Variants in WDR88 observed in about 807,000 individuals in gnomAD.
The protein encoded by WDR88 is WD repeat-containing protein 88.
WDR88 carries 40 observed loss-of-function variants against 46.8 expected under a neutral mutation model. That is an observed-to-expected ratio of 0.86 (90% CI 0.66 to 1.11). The LOEUF (loss-of-function observed/expected upper bound fraction) is 1.11, where lower values mean the gene tolerates loss of function less well. WDR88 is among the 50% of genes most tolerant of loss of function. The pLI is 0.00. For missense variants in WDR88, 562 were observed against 602.4 expected, an observed-to-expected ratio of 0.93 and a Z score of 0.70; for synonymous variants, 235 against 240.7, an observed-to-expected ratio of 0.98 and a Z score of 0.22.
At chr19:33,155,255 C>T (rs1348849489) in intron 6 of WDR88, among the ~76,000 whole-genome samples, 1 of 152,118 alleles carries the variant, frequency 6.6e-6, no homozygotes, top group Non-Finnish European at 1.5e-5. Context: ...ATTCTCCTGC[C>T]TCAGCCTCCA....
At chr19:33,157,067 C>T (rs1973749469) in intron 7 of WDR88, among the ~76,000 whole-genome samples, 1 of 151,878 alleles carries the variant, frequency 6.6e-6, no homozygotes, top group Non-Finnish European at 1.5e-5. Flanking sequence ...TGTGGTGGTG[C>T]ACACCTGTAG....
intron 2 of WDR88, among the ~76,000 whole-genome samples, chr19:33,142,042 A>G (rs1041593177): frequency 2.4e-4 from 36 of 152,138 alleles, no homozygotes; most frequent in African/African-American, 8.7e-4. Flanking sequence ...GGGGGCAGGG[A>G]CTGGAAACGG....
intron 5 of WDR88, among the ~76,000 whole-genome samples, chr19:33,150,381 G>T (rs1469606283): frequency 1.3e-5 from 2 of 152,228 alleles, no homozygotes; most frequent in Non-Finnish European, 2.9e-5. Context: ...CCCAGGAGGT[G>T]GAGGTTGCAG....
Position 33,132,340 on chromosome 19 carries a change from C to T in WDR88, c.171C>T (p.Thr57=), listed in dbSNP as rs2145351503. 2.5e-6 allele frequency: 4 copies of T among 1,614,134 alleles called. No homozygotes were observed. Among genetic ancestry groups the T allele is most frequent in the Non-Finnish European group, 3.4e-6 (4 of 1,180,020 alleles). The change falls in exon 1 of 11, where the codon ACC becomes ACT. Residue 57 remains threonine, a synonymous_variant. Transcript: ENST00000355868. ...TCCCGCACACGCACCTGCTGGCCAC[C>T]CTCGACCCCCTGGCCTTGGACAGGG... ...LSIPHTHLLA[T]LDPLALDREP...
At chr19:33,143,759 C>A (rs1389052324) in intron 2 of WDR88, among the ~76,000 whole-genome samples, 1 of 152,030 alleles carries the variant, frequency 6.6e-6, no homozygotes, top group Non-Finnish European at 1.5e-5. Flanking sequence ...CTTTCCATGA[C>A]CCCAAAGTTA....
intron 7 of WDR88, among the ~76,000 whole-genome samples, chr19:33,157,649 G>A (rs8103694): frequency 1.5e-5 from 2 of 133,574 alleles, no homozygotes; most frequent in African/African-American, 2.9e-5. Context: ...ATGTGTGTGT[G>A]TATGTATATA....
chr19:33,169,281 A>G (rs1973999356), intron 9 of WDR88, among the ~76,000 whole-genome samples: 2 of 152,244 alleles, frequency 1.3e-5, no homozygotes, highest in African/African-American at 2.4e-5. Context: ...ATCAAAGGAT[A>G]CTGTCAAGAA....
intron 3 of WDR88, among the ~76,000 whole-genome samples, chr19:33,147,205 G>A (rs1027352078): frequency 3.3e-5 from 5 of 151,800 alleles, no homozygotes; most frequent in Non-Finnish European, 7.4e-5. Context: ...CCACTGGACT[G>A]CAGCGTGGAT....
chr19:33,171,922 C>A (rs1396676561), intron 9 of WDR88, among the ~76,000 whole-genome samples: 1 of 152,094 alleles, frequency 6.6e-6, no homozygotes, highest in Non-Finnish European at 1.5e-5. Flanking sequence ...TACAGGTGCA[C>A]GCCACTGTGC....
intron 3 of WDR88, among the ~76,000 whole-genome samples, chr19:33,145,281 G>A (rs897551536): frequency 2.6e-5 from 4 of 151,796 alleles, no homozygotes; most frequent in Non-Finnish European, 5.9e-5. Flanking sequence ...AGCCTCCTGA[G>A]TAGCTGGGAT....
At chr19:33,150,809 T>C (rs1179968719) in intron 5 of WDR88, among the ~76,000 whole-genome samples, 1 of 152,156 alleles carries the variant, frequency 6.6e-6, no homozygotes, top group African/African-American at 2.4e-5. Context: ...CCTGGAGTGC[T>C]CTTCCATTTC....
At chr19:33,157,609 ATATGTGTATATATATATG>A (rs1433185508) in intron 7 of WDR88, among the ~76,000 whole-genome samples, 11 of 142,524 alleles carry the variant, frequency 7.7e-5, no homozygotes, top group African/African-American at 2.8e-4. Context: ...ATATGTATAT[ATATGTGTATATATATATG>A]TATGTGTATA....
intron 9 of WDR88, among the ~76,000 whole-genome samples, chr19:33,168,616 A>T (rs1241785576): frequency 1.3e-5 from 2 of 152,210 alleles, no homozygotes; most frequent in African/African-American, 4.8e-5. Flanking sequence ...ATTAAAGAAG[A>T]CTTGAATGAA....
chr19:33,133,906 G>A (rs955850657), intron 1 of WDR88, among the ~76,000 whole-genome samples: 2 of 152,220 alleles, frequency 1.3e-5, no homozygotes, highest in Non-Finnish European at 1.5e-5. Flanking sequence ...TGACATCCCC[G>A]TTCCGTCCTC....
intron 7 of WDR88, among the ~76,000 whole-genome samples, chr19:33,157,366 T>A (rs1973755607): frequency 6.6e-6 from 1 of 150,786 alleles, no homozygotes; most frequent in South Asian, 2.1e-4. Context: ...GGTGTGGTGG[T>A]GGATGCCTGT....
At chr19:33,145,580 G>C (rs1354799913) in intron 3 of WDR88, among the ~76,000 whole-genome samples, 1 of 151,810 alleles carries the variant, frequency 6.6e-6, no homozygotes, top group African/African-American at 2.4e-5. Context: ...TGTTGCCCAG[G>C]CTGGAGTATA....
At chr19:33,147,623 G>C (rs73039475) in intron 3 of WDR88, 22 bp from the exon 4 acceptor site, 8 of 1,611,794 alleles carry the variant, frequency 5.0e-6, no homozygotes, top group South Asian at 2.2e-5. Context: ...ACCAGTGTTC[G>C]TCATCGTCAT....
At chr19:33,152,450 C>T (rs942817749) in intron 6 of WDR88, among the ~76,000 whole-genome samples, 3 of 152,036 alleles carry the variant, frequency 2.0e-5, no homozygotes, top group African/African-American at 4.8e-5. Context: ...AATGTTTATT[C>T]TACTTTCTGT....
chr19:33,141,278 G>A (rs561439584), intron 2 of WDR88, among the ~76,000 whole-genome samples: 1 of 137,370 alleles, frequency 7.3e-6, no homozygotes, highest in Admixed American at 8.0e-5. Flanking sequence ...TGCCCAGGCT[G>A]AAGTGCAGTG....
Sources: allele counts gnomAD v4.1 joint callset (sites outside exome capture counted in the v4.1 genomes callset), GRCh38; gene constraint gnomAD v4.1.1; transcripts MANE v1.5; gene names NCBI Gene and HGNC (gene_info 2026-07-23, HGNC 2026-07-21).